The following ASTN2 variants were observed in gnomAD, a reference collection of about 807,000 sequenced individuals.
ASTN2 encodes the protein astrotactin-2.
In ASTN2, 54 loss-of-function variants were observed where a neutral mutation model predicts 139.8. The ratio of observed to expected loss-of-function variants is 0.39; its 90% confidence interval spans 0.31 to 0.48. The LOEUF (loss-of-function observed/expected upper bound fraction) is 0.48, where lower values mean the gene tolerates loss of function less well. Among genes scored for constraint, ASTN2 ranks in the 20% least tolerant of loss-of-function variants. ASTN2 has a pLI of 0.95. For missense variants in ASTN2, 1,565 were observed against 1,725.1 expected, an observed-to-expected ratio of 0.91 and a Z score of 1.64; for synonymous variants, 756 against 719.5, an observed-to-expected ratio of 1.05 and a Z score of -0.81.
intron 1 of ASTN2, among the ~76,000 whole-genome samples, chr9:117,403,080 G>A (rs570017658): frequency 6.6e-6 from 1 of 152,192 alleles, no homozygotes; most frequent in Non-Finnish European, 1.5e-5. Flanking sequence ...CTTCACAGAG[G>A]TTTTCTAGGT....
intron 10 of ASTN2, among the ~76,000 whole-genome samples, chr9:116,972,746 C>T (rs1369409364): frequency 6.6e-6 from 1 of 152,166 alleles, no homozygotes; most frequent in Non-Finnish European, 1.5e-5. Context: ...TGTGAGTTCT[C>T]ATACTTGTCC....
At chr9:116,629,571 T>C (rs1468430510) in intron 17 of ASTN2, among the ~76,000 whole-genome samples, 1 of 151,620 alleles carries the variant, frequency 6.6e-6, no homozygotes, top group Non-Finnish European at 1.5e-5. Flanking sequence ...CATCTCTTAT[T>C]TTCAGCCTCA....
chr9:117,171,948 A>T (rs1051880012), intron 3 of ASTN2, among the ~76,000 whole-genome samples: 14 of 148,226 alleles, frequency 9.4e-5, no homozygotes, highest in Non-Finnish European at 4.4e-5. Context: ...TATCGTAATT[A>T]AAAAAAATTA....
chr9:117,345,274 C>T (rs1431174270), intron 1 of ASTN2, among the ~76,000 whole-genome samples: 1 of 152,132 alleles, frequency 6.6e-6, no homozygotes, highest in Non-Finnish European at 1.5e-5. Flanking sequence ...GTGTCAGCCA[C>T]AGTCTAGGTC....
At chr9:116,450,432 CAG>C (rs1848139206) in intron 20 of ASTN2, among the ~76,000 whole-genome samples, 1 of 152,188 alleles carries the variant, frequency 6.6e-6, no homozygotes, top group Admixed American at 6.5e-5. Context: ...CAGTTAGGAT[CAG>C]AGAGTTCAAG....
At chr9:116,619,913 T>C (rs1342228544) in intron 18 of ASTN2, among the ~76,000 whole-genome samples, 2 of 152,116 alleles carry the variant, frequency 1.3e-5, no homozygotes, top group East Asian at 1.9e-4. Flanking sequence ...CCTGAGTACA[T>C]GGACTGTGCC....
intron 2 of ASTN2, among the ~76,000 whole-genome samples, chr9:117,223,232 T>C (rs1832586966): frequency 6.6e-6 from 1 of 152,094 alleles, no homozygotes; most frequent in South Asian, 2.1e-4. Context: ...TCTCAACTGG[T>C]GGCAATTTTG....
intron 1 of ASTN2, among the ~76,000 whole-genome samples, chr9:117,339,090 T>C (rs2130861633): frequency 6.6e-6 from 1 of 152,054 alleles, no homozygotes; most frequent in Admixed American, 6.6e-5. Context: ...CAAGCAGAGG[T>C]AATGGGCACA....
chr9:117,103,076 T>G (rs1423732616), intron 4 of ASTN2, among the ~76,000 whole-genome samples: 1 of 152,100 alleles, frequency 6.6e-6, no homozygotes, highest in Non-Finnish European at 1.5e-5. Context: ...GACCATTCAG[T>G]TTGTCCTAGA....
In ASTN2 at chr9:117,415,001, A is replaced by T. The variant is rs1393166281; in HGVS notation, c.-63T>A. 1 of 197,730 alleles carries T rather than the reference A, an allele frequency of 5.1e-6. No homozygotes were observed. The highest frequency in any genetic ancestry group is 1.6e-4 in the East Asian group (1 of 6,398). The allele number at this position is 197,730 out of a possible 1,614,324, so 12.2% of individuals were successfully genotyped here. The stretch of plus-strand genomic sequence containing the variant: ...GTGGCGGCGGTGGCGAAGGAGGAAG[A>T]GGAGGCAGCTGCGGAGACGGCGGAC... On this transcript the variant is annotated 5_prime_UTR_variant, in exon 1 of 23. Coordinates refer to ENST00000313400, the MANE Select transcript of ASTN2 (RefSeq NM_001365068.1).
chr9:116,867,854 A>T (rs1238930131), intron 10 of ASTN2, among the ~76,000 whole-genome samples: 2 of 152,182 alleles, frequency 1.3e-5, no homozygotes, highest in Non-Finnish European at 2.9e-5. Context: ...ATCTGAGCGC[A>T]AGACAGGAAA....
intron 20 of ASTN2, among the ~76,000 whole-genome samples, chr9:116,479,340 A>G (rs1849093084): frequency 6.6e-6 from 1 of 152,240 alleles, no homozygotes; most frequent in Non-Finnish European, 1.5e-5. Context: ...TTGGGATTTC[A>G]TCTAATATAT....
chr9:116,848,988 T>C (rs1280302510), intron 11 of ASTN2, among the ~76,000 whole-genome samples: 3 of 152,192 alleles, frequency 2.0e-5, no homozygotes, highest in Non-Finnish European at 4.4e-5. Flanking sequence ...AATCCCTTCC[T>C]TGGGTTTCAT....
chr9:116,731,832 C>T (rs1828793421), intron 14 of ASTN2, among the ~76,000 whole-genome samples: 1 of 152,162 alleles, frequency 6.6e-6, no homozygotes, highest in African/African-American at 2.4e-5. Flanking sequence ...AGCACAGCAC[C>T]TCCTCACAGA....
At chr9:116,843,782 G>T (rs1395278673) in intron 11 of ASTN2, among the ~76,000 whole-genome samples, 4 of 152,044 alleles carry the variant, frequency 2.6e-5, no homozygotes, top group Non-Finnish European at 5.9e-5. Flanking sequence ...GAAGAAACAG[G>T]TGCAAGGATT....
chr9:117,046,808 T>C (rs1283446169), intron 5 of ASTN2, among the ~76,000 whole-genome samples: 1 of 152,232 alleles, frequency 6.6e-6, no homozygotes, highest in Non-Finnish European at 1.5e-5. Flanking sequence ...CTGAATATAG[T>C]AGGTGCTCAA....
intron 2 of ASTN2, among the ~76,000 whole-genome samples, chr9:117,246,219 A>G (rs780752831): frequency 6.6e-6 from 1 of 152,228 alleles, no homozygotes; most frequent in Non-Finnish European, 1.5e-5. Flanking sequence ...AAGTCCTTGA[A>G]GGTACAGAAA....
At chr9:117,271,956 C>T (rs1834075929) in intron 2 of ASTN2, among the ~76,000 whole-genome samples, 1 of 152,168 alleles carries the variant, frequency 6.6e-6, no homozygotes, top group African/African-American at 2.4e-5. Flanking sequence ...ATTCTGGGGT[C>T]TGAAGGATGG....
At chr9:117,341,702 A>G (rs983832705) in intron 1 of ASTN2, among the ~76,000 whole-genome samples, 1 of 152,190 alleles carries the variant, frequency 6.6e-6, no homozygotes, top group African/African-American at 2.4e-5. Flanking sequence ...AGCAGGAAAC[A>G]AAAATGCATT....
Sources: gnomAD v4.1 joint callset for allele counts (sites outside exome capture counted in the v4.1 genomes callset) on GRCh38, gnomAD v4.1.1 for gene constraint, MANE v1.5 for transcripts, NCBI Gene and HGNC (gene_info 2026-07-23, HGNC 2026-07-21) for gene names.